Variants in CHRNB1 observed in about 807,000 individuals in gnomAD.
CHRNB1 encodes cholinergic receptor nicotinic beta 1 subunit.
Under a neutral mutation model 53.8 loss-of-function variants are expected in CHRNB1, and 47 were observed. That is an observed-to-expected ratio of 0.87 (90% CI 0.69 to 1.11). The LOEUF (loss-of-function observed/expected upper bound fraction) is 1.11. Ranked by LOEUF, CHRNB1 falls within the 50% of genes most tolerant of loss-of-function variation. The pLI is 0.00. For missense variants in CHRNB1, 605 were observed against 654.9 expected (o/e 0.92, Z 0.83); for synonymous variants, 259 against 263.5 (o/e 0.98, Z 0.16).
At chr17:7,452,305 G>T (rs186915452) in intron 7 of CHRNB1, among the ~76,000 whole-genome samples, 4 of 152,008 alleles carry the variant, frequency 2.6e-5, no homozygotes, top group Non-Finnish European at 5.9e-5. Context: ...TGATCTGACC[G>T]CCTCAGCCTC....
chr17:7,449,353 T>C (rs1415491340), intron 7 of CHRNB1, among the ~76,000 whole-genome samples: 4 of 149,122 alleles, frequency 2.7e-5, no homozygotes, highest in African/African-American at 9.9e-5. Context: ...TCTGCCCGCC[T>C]CGGCCTCCCA....
chr17:7,446,347 G>T, intron 3 of CHRNB1: 1 of 572,420 alleles, frequency 1.7e-6, no homozygotes, highest in Non-Finnish European at 3.1e-6. Context: ...GTGTGTGTGT[G>T]TGTGTGTGTG....
Position 7,449,799 on chromosome 17 carries a change from C to A in CHRNB1, c.820+1011C>A, listed in dbSNP as rs532180013. On this transcript the variant is annotated intron_variant, in intron 7 of 10. Coordinates refer to ENST00000306071, the MANE Select transcript of CHRNB1 (RefSeq NM_000747.3). ...GTGGCTCACGCCTGTAATCCCAGCA[C>A]TTTGGGAGGCCGAGGTGGGTGGATC... 8.4e-3 allele frequency among the ~76,000 whole-genome samples: 1,276 copies of A among 151,952 alleles called. 16 individuals carry two copies. Among genetic ancestry groups the A allele is most frequent in the African/African-American group, 0.028 (1,152 of 41,454 alleles).
At chr17:7,449,265 G>A (rs1424719852) in intron 7 of CHRNB1, among the ~76,000 whole-genome samples, 4 of 151,586 alleles carry the variant, frequency 2.6e-5, no homozygotes, top group Non-Finnish European at 4.4e-5. Flanking sequence ...CACCACGCCC[G>A]GCTAATTTTT....
chr17:7,447,315 A>G (rs1180980148), intron 5 of CHRNB1, 164 bp downstream of exon 5: 8 of 911,296 alleles, frequency 8.8e-6, no homozygotes, highest in Admixed American at 4.0e-5. Context: ...AGTGTTCTGT[A>G]CACTTTCTTT....
chr17:7,446,385 C>G (rs1014892118), intron 3 of CHRNB1: 19 of 556,256 alleles, frequency 3.4e-5, no homozygotes, highest in Non-Finnish European at 5.8e-5. Context: ...TGCGGTCTCA[C>G]TATGTTGCAC....
intron 7 of CHRNB1, 95 bp from the exon 8 acceptor site, chr17:7,454,202 G>A (rs1908988409): frequency 9.1e-7 from 1 of 1,098,178 alleles, no homozygotes; most frequent in East Asian, 2.4e-5. Context: ...GTAGAAATCT[G>A]TCTTTGAATG....
intron 7 of CHRNB1, among the ~76,000 whole-genome samples, chr17:7,453,300 G>A (rs1476672575): frequency 1.3e-5 from 2 of 152,026 alleles, no homozygotes; most frequent in Non-Finnish European, 2.9e-5. Flanking sequence ...TGTATTTTTA[G>A]TAGAGATGGG....
At chr17:7,446,463 G>C (rs1908635005) in intron 3 of CHRNB1, 4 of 521,004 alleles carry the variant, frequency 7.7e-6, no homozygotes, top group Non-Finnish European at 1.4e-5. Flanking sequence ...CAAGTGCTGA[G>C]ATTACAGCCG....
At position 7,445,452 on chromosome 17, in the gene CHRNB1, C is replaced by T; in HGVS notation, c.198+43C>T. 1 of 1,598,930 alleles carries T rather than the reference C, an allele frequency of 6.3e-7. No homozygotes were observed. The highest frequency in any genetic ancestry group is 8.5e-7 in the Non-Finnish European group (1 of 1,175,514). On this transcript the variant is annotated intron_variant, in intron 2 of 10. Coordinates refer to ENST00000306071, the MANE Select transcript of CHRNB1 (RefSeq NM_000747.3). The surrounding 1 kb of genome is among the most constrained non-coding windows in gnomAD (Gnocchi z 5.7). ...GTGGAGGTCAGGCCAGCCGACCGGCCGGGGGCGTGGCTTTAGGCAAGGCCG... is the reference window on the plus strand; with the variant it reads ...GTGGAGGTCAGGCCAGCCGACCGGCTGGGGGCGTGGCTTTAGGCAAGGCCG...
rs755606127 is a variant in CHRNB1 at position 7,448,619 on chromosome 17, AATCCAGCCTCC to A, written c.653_663del (p.Ile218ArgfsTer4). The A allele has an allele frequency of 3.1e-6, 5 of 1,614,028 alleles. No homozygotes were observed. The highest frequency in any genetic ancestry group is 4.2e-6 in the Non-Finnish European group (5 of 1,180,034). ...AGATTATCCACAAGCCCTCTCGGCT[AATCCAGCCTCC>A]AGGCGATCCTAGGGGAGGGAGGGAA... On this transcript the variant is annotated frameshift_variant, in exon 7 of 11. Transcript: ENST00000306071. LOFTEE classifies it high-confidence loss of function.
In CHRNB1 at chr17:7,446,829, C is replaced by T; in HGVS notation, c.244-4C>T. The T allele has an allele frequency of 6.2e-7, 1 of 1,612,380 alleles. No homozygotes were observed. On this transcript the variant is annotated splice_region_variant and splice_polypyrimidine_tract_variant and intron_variant, in intron 3 of 10. Transcript: ENST00000306071. ...GGGCAGCCCCTCAGCCTCTGCTTCA[C>T]TAGGAGTGGACTGACTACAGGCTGA... is the stretch of plus-strand genomic sequence containing the variant.
In CHRNB1 at chr17:7,446,960, G is replaced by A; in HGVS notation, c.353+18G>A. 7.1e-7 allele frequency: 1 copy of A among 1,408,764 alleles called. No individual in the cohort carries two copies. Among genetic ancestry groups the A allele is most frequent in the South Asian group, 1.1e-5 (1 of 87,004 alleles). The allele number at this position is 1,408,764 out of a possible 1,614,324, so 87.3% of individuals were successfully genotyped here. On this transcript the variant is annotated intron_variant, in intron 4 of 10. Coordinates refer to ENST00000306071, the MANE Select transcript of CHRNB1 (RefSeq NM_000747.3). ...CTGAACAAGTAGGAGAACTTCCAAA[G>A]CCCGGGAGGTGGCGCGGGGCCTCGG...
At chr17:7,448,931 G>C in intron 7 of CHRNB1, 143 bp downstream of exon 7, 1 of 829,958 alleles carries the variant, frequency 1.2e-6, no homozygotes, top group Non-Finnish European at 2.0e-6. Flanking sequence ...GCCTCCCGTT[G>C]ACTGCCACCT....
In CHRNB1 at chr17:7,447,118, C is replaced by G. The variant is rs757349737; in HGVS notation, c.429C>G (p.Pro143=). 2.6e-5 allele frequency: 42 copies of G among 1,613,962 alleles called. No individual in the cohort carries two copies. The highest frequency in any genetic ancestry group is 3.5e-5 in the Non-Finnish European group (41 of 1,180,024). Residue 143 remains proline (P), a synonymous_variant, in exon 5 of 11, where the codon CCC becomes CCG. Coordinates refer to ENST00000306071, the MANE Select transcript of CHRNB1 (RefSeq NM_000747.3). ...CCGACGGCTCCGTGCGTTGGCAACCCCCGGGCATCTATCGCAGCAGCTGCA... is the reference window on the plus strand; with the variant it reads ...CCGACGGCTCCGTGCGTTGGCAACCGCCGGGCATCTATCGCAGCAGCTGCA... ...VSSDGSVRWQ[P]PGIYRSSCSI...
In CHRNB1 at chr17:7,448,586, C is replaced by G. The variant is rs756713045; in HGVS notation, c.618C>G (p.Gly206=). 8.1e-6 allele frequency: 13 copies of G among 1,613,960 alleles called. No homozygotes were observed. The highest frequency in any genetic ancestry group is 1.1e-5 in the Non-Finnish European group (13 of 1,179,982). ...CCTTCTGCTCATCCCCAGAGAATGGCCAGTGGGAGATTATCCACAAGCCCT... is the reference window on the plus strand; with the variant it reads ...CCTTCTGCTCATCCCCAGAGAATGGGCAGTGGGAGATTATCCACAAGCCCT... The part of the protein sequence containing the change: ...HIHEGTFIEN[G]QWEIIHKPSR... Residue 206 remains glycine (G), a synonymous_variant, in exon 7 of 11, where the codon GGC becomes GGG. Coordinates refer to ENST00000306071, the MANE Select transcript of CHRNB1 (RefSeq NM_000747.3).
At position 7,445,457 on chromosome 17, in the gene CHRNB1, G is replaced by T. The variant is rs772263997; in HGVS notation, c.198+48G>T. ...GGTCAGGCCAGCCGACCGGCCGGGG[G>T]CGTGGCTTTAGGCAAGGCCGGACCA... is the stretch of plus-strand genomic sequence containing the variant. On this transcript the variant is annotated intron_variant, in intron 2 of 10. Coordinates refer to ENST00000306071, the MANE Select transcript of CHRNB1 (RefSeq NM_000747.3). This position sits in a 1 kb window ranked among gnomAD's most constrained non-coding sequence, Gnocchi z 5.7. 3.8e-6 allele frequency: 6 copies of T among 1,599,202 alleles called. No individual in the cohort carries two copies. In the Admixed American group the frequency reaches 8.5e-5, roughly 23 times the overall value.
At position 7,455,469 on chromosome 17, in the gene CHRNB1, C is replaced by G; in HGVS notation, c.1217+13C>G. The G allele has an allele frequency of 1.9e-6, 3 of 1,613,860 alleles. No individual in the cohort carries two copies. Among genetic ancestry groups the G allele is most frequent in the Non-Finnish European group, 2.5e-6 (3 of 1,179,842 alleles). ...CCAAACCCAATAGGTAGGACTACGCCCGTTACCCACATAAGAGGGAGAGGG... is the reference window on the plus strand; with the variant it reads ...CCAAACCCAATAGGTAGGACTACGCGCGTTACCCACATAAGAGGGAGAGGG... On this transcript the variant is annotated intron_variant, in intron 9 of 10. Transcript: ENST00000306071.
At chr17:7,456,559 G>A (rs745962791) in intron 10 of CHRNB1, 24 bp from the exon 11 acceptor site, 2 of 1,614,012 alleles carry the variant, frequency 1.2e-6, no homozygotes, top group East Asian at 2.2e-5. Flanking sequence ...CAGAGCTCAG[G>A]AAGTTTCCTT....
Sources: allele counts gnomAD v4.1 joint callset (sites outside exome capture counted in the v4.1 genomes callset), GRCh38; gene constraint gnomAD v4.1.1; non-coding constraint Gnocchi (gnomAD v3.1); transcripts MANE v1.5; gene names NCBI Gene and HGNC (gene_info 2026-07-23, HGNC 2026-07-21).